CAMK1D: variants seen among roughly 807,000 people sequenced by gnomAD.
CAMK1D encodes calcium/calmodulin dependent protein kinase ID.
A neutral mutation model predicts 47.7 loss-of-function variants in CAMK1D; 9 were observed. That is an observed-to-expected ratio of 0.19 (90% CI 0.11 to 0.33). The LOEUF (loss-of-function observed/expected upper bound fraction) is 0.33, where lower values mean the gene tolerates loss of function less well. Ranked by LOEUF, CAMK1D falls within the 10% of genes least tolerant of loss-of-function variation. The probability of loss-of-function intolerance (pLI) is 1.00; values close to 1 mark genes in which losing one functional copy is unlikely to be tolerated. For missense variants in CAMK1D, 291 were observed against 488.7 expected, an observed-to-expected ratio of 0.60 and a Z score of 3.81; for synonymous variants, 184 against 184.9, an observed-to-expected ratio of 0.99 and a Z score of 0.04.
chr10:12,522,463 A>G (rs532705402), intron 1 of CAMK1D, among the ~76,000 whole-genome samples: 1 of 149,582 alleles, frequency 6.7e-6, no homozygotes, highest in South Asian at 2.2e-4. Flanking sequence ...CCCTTAATCC[A>G]TTTAACCCTG....
intron 1 of CAMK1D, among the ~76,000 whole-genome samples, chr10:12,520,931 G>GGGGAGA (rs1348190121): frequency 1.0e-4 from 3 of 28,734 alleles, no homozygotes; most frequent in Non-Finnish European, 1.4e-4. Flanking sequence ...AGGAGACCGT[G>GGGGAGA]GGGAGAGGGA....
chr10:12,424,442 C>T (rs1840158346), intron 1 of CAMK1D, among the ~76,000 whole-genome samples: 1 of 152,070 alleles, frequency 6.6e-6, no homozygotes, highest in South Asian at 2.1e-4. Flanking sequence ...CAATTTAAAT[C>T]TCTTGACCCT....
intron 1 of CAMK1D, among the ~76,000 whole-genome samples, chr10:12,538,116 G>A (rs550828131): frequency 6.6e-6 from 1 of 152,330 alleles, no homozygotes; most frequent in South Asian, 2.1e-4. Context: ...CCCGTGGAAA[G>A]GGGAAGGCAC....
chr10:12,553,383 C>T, intron 2 of CAMK1D, 27 bp downstream of exon 2: 1 of 1,552,310 alleles, frequency 6.4e-7, no homozygotes, highest in Non-Finnish European at 8.9e-7. Context: ...AACCCTCCTC[C>T]CTTCCCTACC....
chr10:12,728,018 G>A (rs1293653847), intron 3 of CAMK1D, among the ~76,000 whole-genome samples: 7 of 152,122 alleles, frequency 4.6e-5, no homozygotes, highest in South Asian at 2.1e-4. Flanking sequence ...CGCCCGCCTC[G>A]GCCTCCTAAA....
chr10:12,449,937 G>A (rs1349159754), intron 1 of CAMK1D, among the ~76,000 whole-genome samples: 3 of 152,142 alleles, frequency 2.0e-5, no homozygotes, highest in African/African-American at 7.2e-5. Flanking sequence ...GGCAGAGGTT[G>A]CAGTGAGCCG....
chr10:12,371,476 T>G (rs1838004623), intron 1 of CAMK1D, among the ~76,000 whole-genome samples: 1 of 148,552 alleles, frequency 6.7e-6, no homozygotes, highest in African/African-American at 2.5e-5. Flanking sequence ...CTCAGGAGGC[T>G]GAGGCAGGAG....
chr10:12,630,579 T>C (rs1352141726), intron 2 of CAMK1D, among the ~76,000 whole-genome samples: 2 of 152,012 alleles, frequency 1.3e-5, no homozygotes, highest in Non-Finnish European at 2.9e-5. Flanking sequence ...TTTGTTGTTT[T>C]ATTTTATTTT....
In CAMK1D at chr10:12,644,843, T is replaced by C. The variant is rs545703755; in HGVS notation, c.225-21893T>C. On this transcript the variant is annotated intron_variant, in intron 2 of 10. Transcript: ENST00000619168. ...TCATGTTAATATTCCTATAAAGCTA[T>C]GTTAAAAGGATCTCTTCTTTATCTC... Among the ~76,000 whole-genome samples the C allele has an allele frequency of 4.6e-5, 7 of 152,188 alleles. No individual in the cohort carries two copies. The South Asian group carries it at 1.4e-3, about 31-fold the overall frequency.
chr10:12,362,628 GC>G (rs1470235477), intron 1 of CAMK1D, among the ~76,000 whole-genome samples: 1 of 152,108 alleles, frequency 6.6e-6, no homozygotes, highest in Non-Finnish European at 1.5e-5. Context: ...CTCCCGAGTA[GC>G]TGGGACTACA....
intron 1 of CAMK1D, among the ~76,000 whole-genome samples, chr10:12,511,710 T>G (rs905486397): frequency 2.0e-5 from 3 of 152,250 alleles, no homozygotes; most frequent in Non-Finnish European, 4.4e-5. Flanking sequence ...GTTTATTTGT[T>G]TGCTTTAAAT....
At chr10:12,551,504 C>G (rs1024498327) in intron 1 of CAMK1D, among the ~76,000 whole-genome samples, 12 of 152,134 alleles carry the variant, frequency 7.9e-5, no homozygotes, top group African/African-American at 2.7e-4. Flanking sequence ...CCTATAATCC[C>G]AGCACTTTGG....
At chr10:12,541,507 G>A (rs1836170750) in intron 1 of CAMK1D, among the ~76,000 whole-genome samples, 1 of 152,130 alleles carries the variant, frequency 6.6e-6, no homozygotes, top group South Asian at 2.1e-4. Flanking sequence ...GGGATTACAG[G>A]CGTGTGCCAC....
chr10:12,490,178 T>C (rs1404749172), intron 1 of CAMK1D, among the ~76,000 whole-genome samples: 1 of 152,226 alleles, frequency 6.6e-6, no homozygotes, highest in Non-Finnish European at 1.5e-5. Context: ...CCCTGGCCTC[T>C]GCTGTGAAGC....
chr10:12,698,651 G>T (rs1833389200), intron 3 of CAMK1D, among the ~76,000 whole-genome samples: 1 of 147,484 alleles, frequency 6.8e-6, no homozygotes, highest in South Asian at 2.2e-4. Flanking sequence ...ATTAGCTGAA[G>T]AAAAATGATG....
chr10:12,378,006 G>A (rs1053922114), intron 1 of CAMK1D, among the ~76,000 whole-genome samples: 2 of 152,210 alleles, frequency 1.3e-5, no homozygotes, highest in African/African-American at 4.8e-5. Context: ...TTTTGCACAT[G>A]GTTAATTCCA....
intron 1 of CAMK1D, among the ~76,000 whole-genome samples, chr10:12,387,554 T>C (rs1467867674): frequency 2.7e-5 from 4 of 146,536 alleles, no homozygotes; most frequent in African/African-American, 1.0e-4. Flanking sequence ...TGGCCCAGGC[T>C]GGAGTGCAGT....
At chr10:12,542,159 A>G (rs908644507) in intron 1 of CAMK1D, among the ~76,000 whole-genome samples, 6 of 152,224 alleles carry the variant, frequency 3.9e-5, no homozygotes, top group Middle Eastern at 3.4e-3. Context: ...GATTACAGGC[A>G]TGAGCCATGG....
chr10:12,789,662 A>G (rs1837891625), intron 5 of CAMK1D, among the ~76,000 whole-genome samples: 1 of 152,234 alleles, frequency 6.6e-6, no homozygotes, highest in South Asian at 2.1e-4. Context: ...ACGTTGGCCA[A>G]CTTACCTGAC....
Sources: allele counts gnomAD v4.1 joint callset (sites outside exome capture counted in the v4.1 genomes callset), GRCh38; gene constraint gnomAD v4.1.1; transcripts MANE v1.5; gene names NCBI Gene and HGNC (gene_info 2026-07-23, HGNC 2026-07-21).